Variants in AFDN observed in about 807,000 individuals in gnomAD.
The protein encoded by AFDN is afadin, adherens junction formation factor, also known as afadin.
AFDN carries 68 observed loss-of-function variants against 216.6 expected under a neutral mutation model. The ratio of observed to expected loss-of-function variants is 0.31; its 90% CI spans 0.26 to 0.38. AFDN has a LOEUF of 0.38. Among genes scored for constraint, AFDN ranks in the 10% least tolerant of loss-of-function variants. The pLI is 1.00. For synonymous variants in AFDN, 868 were observed against 853.7 expected, an observed-to-expected ratio of 1.02 and a Z score of -0.29; for missense variants, 2,136 against 2,342.0, an observed-to-expected ratio of 0.91 and a Z score of 1.82.
intron 6 of AFDN, among the ~76,000 whole-genome samples, chr6:167,884,475 T>C (rs1284568685): frequency 1.3e-5 from 2 of 152,246 alleles, no homozygotes; most frequent in Admixed American, 6.5e-5. Context: ...TTCCATGGGC[T>C]GCAGAGTGGG....
At chr6:167,900,139 C>G (rs892313646) in intron 11 of AFDN, among the ~76,000 whole-genome samples, 18 of 152,170 alleles carry the variant, frequency 1.2e-4, no homozygotes, top group African/African-American at 7.2e-5. Context: ...TCTGGCAAAT[C>G]TGGTAAAAGC....
rs1463219266 is a variant in AFDN at position 167,970,436 on chromosome 6, T to A, written c.*501T>A. 4.5e-6 allele frequency: 1 copy of A among 220,380 alleles called. No homozygotes were observed. Among genetic ancestry groups the A allele is most frequent in the African/African-American group, 2.2e-5 (1 of 44,624 alleles). 13.7% of individuals were successfully genotyped at this position (220,380 alleles called of 1,614,324 possible). On this transcript the variant is annotated 3_prime_UTR_variant, in exon 34 of 34. Coordinates refer to ENST00000683244, the MANE Select transcript of AFDN (RefSeq NM_001386888.1). ...GCTCTTCTACCCGGGAAGGAACATA[T>A]GACGACATGCTCCTCCCATGTCCCC...
intron 9 of AFDN, among the ~76,000 whole-genome samples, chr6:167,896,403 C>T (rs556293781): frequency 4.1e-4 from 62 of 152,214 alleles, no homozygotes; most frequent in African/African-American, 1.4e-3. Context: ...GTCTGGGGAG[C>T]GCTATGAGAA....
intron 1 of AFDN, among the ~76,000 whole-genome samples, chr6:167,842,708 C>T (rs1403738955): frequency 6.6e-6 from 1 of 152,100 alleles, no homozygotes; most frequent in Non-Finnish European, 1.5e-5. Context: ...ATCACAGAAT[C>T]TGGACTGCAT....
At chr6:167,964,313 A>T (rs1797319379) in intron 31 of AFDN, 4 of 1,064,144 alleles carry the variant, frequency 3.8e-6, no homozygotes, top group Non-Finnish European at 4.6e-6. Context: ...TCTTGGTATA[A>T]CTAAAAGAGG....
chr6:167,859,913 G>T (rs1365620727), intron 1 of AFDN, among the ~76,000 whole-genome samples: 1 of 151,720 alleles, frequency 6.6e-6, no homozygotes, highest in Non-Finnish European at 1.5e-5. Flanking sequence ...GGAAAAGTGT[G>T]TATCAAGGTA....
intron 32 of AFDN, among the ~76,000 whole-genome samples, chr6:167,968,298 C>T (rs1428591931): frequency 3.3e-5 from 5 of 152,150 alleles, no homozygotes; most frequent in Admixed American, 3.3e-4. Flanking sequence ...AGGATGGCGC[C>T]CTCTGCAGGG....
At chr6:167,946,658 G>A in intron 26 of AFDN, 49 bp from the exon 27 acceptor site, 1 of 1,468,450 alleles carries the variant, frequency 6.8e-7, no homozygotes, top group Non-Finnish European at 9.5e-7. Flanking sequence ...TGATAATCAG[G>A]GTGTTGAAAA....
intron 32 of AFDN, chr6:167,968,338 CAG>C (rs1797763674): frequency 6.6e-6 from 1 of 152,208 alleles, no homozygotes; most frequent in Non-Finnish European, 1.5e-5. Context: ...AGGTGCAGTG[CAG>C]AGAGGCGCCT....
At chr6:167,964,469 A>T (rs944167522) in intron 31 of AFDN, 2 of 1,065,704 alleles carry the variant, frequency 1.9e-6, no homozygotes, top group African/African-American at 1.6e-5. Flanking sequence ...GTAGACAAGA[A>T]GATGAGAGTC....
chr6:167,827,537 C>T (rs1779279779), intron 1 of AFDN: 1 of 145,426 alleles, frequency 6.9e-6, no homozygotes, highest in Non-Finnish European at 1.5e-5. Context: ...GGCCGCCGCC[C>T]CCACCCCCGC....
At chr6:167,919,084 T>C in intron 21 of AFDN, 151 bp downstream of exon 21, 2 of 697,626 alleles carry the variant, frequency 2.9e-6, no homozygotes, top group Non-Finnish European at 4.9e-6. Context: ...TGGAGAAATA[T>C]TTCATGGTGA....
At chr6:167,927,890 G>A (rs899772341) in intron 23 of AFDN, among the ~76,000 whole-genome samples, 9 of 152,152 alleles carry the variant, frequency 5.9e-5, no homozygotes, top group Admixed American at 6.5e-5. Flanking sequence ...TACCGACTGA[G>A]TCAATGCCCA....
intron 1 of AFDN, among the ~76,000 whole-genome samples, chr6:167,843,141 A>G (rs143127238): frequency 0.02 from 3,020 of 152,272 alleles, 56 homozygotes; most frequent in Non-Finnish European, 0.033. Flanking sequence ...TCTCTCTTAG[A>G]TTAGCCTATG....
At chr6:167,859,065 G>A (rs1481752008) in intron 1 of AFDN, among the ~76,000 whole-genome samples, 1 of 141,828 alleles carries the variant, frequency 7.1e-6, no homozygotes, top group Non-Finnish European at 1.5e-5. Flanking sequence ...TTTTATGGCC[G>A]TTCTTGTTTT....
intron 7 of AFDN, 57 bp from the exon 8 acceptor site, chr6:167,890,805 G>A: frequency 2.0e-6 from 3 of 1,536,272 alleles, no homozygotes; most frequent in Non-Finnish European, 2.6e-6. Flanking sequence ...CTGCCAGTCA[G>A]CGGGCCATCC....
At chr6:167,935,305 A>G (rs1277032592) in intron 23 of AFDN, among the ~76,000 whole-genome samples, 3 of 152,132 alleles carry the variant, frequency 2.0e-5, no homozygotes, top group African/African-American at 7.2e-5. Flanking sequence ...AGGATACAAG[A>G]TCTAAATCTT....
chr6:167,878,772 G>A (rs999347981), intron 5 of AFDN, among the ~76,000 whole-genome samples: 4 of 152,022 alleles, frequency 2.6e-5, no homozygotes, highest in African/African-American at 4.8e-5. Context: ...CGCTCTGTCC[G>A]TACTGGCCAG....
chr6:167,931,665 G>T (rs768876409), intron 23 of AFDN, among the ~76,000 whole-genome samples: 5 of 151,878 alleles, frequency 3.3e-5, no homozygotes, highest in African/African-American at 4.8e-5. Context: ...ACACACTGCC[G>T]AGATAACACT....
Sources: allele counts gnomAD v4.1 joint callset (sites outside exome capture counted in the v4.1 genomes callset), GRCh38; gene constraint gnomAD v4.1.1; transcripts MANE v1.5; gene names NCBI Gene and HGNC (gene_info 2026-07-23, HGNC 2026-07-21).